The following ATP10B variants were observed in gnomAD, a reference collection of about 807,000 sequenced individuals.
The protein encoded by ATP10B is ATPase phospholipid transporting 10B (putative).
Under a neutral mutation model 141.2 loss-of-function variants are expected in ATP10B, and 122 were observed. The observed-to-expected ratio is 0.86, with a 90% CI of 0.75 to 1.00. ATP10B has a LOEUF of 1.00. Ranked by LOEUF, ATP10B falls within the 50% of genes least tolerant of loss-of-function variation. ATP10B has a pLI of 0.00. For synonymous variants in ATP10B, 685 were observed against 692.0 expected, an observed-to-expected ratio of 0.99 and a Z score of 0.16; for missense variants, 1,876 against 1,825.3, an observed-to-expected ratio of 1.03 and a Z score of -0.51.
chr5:160,746,541 G>A (rs1310705258), intron 2 of ATP10B, among the ~76,000 whole-genome samples: 1 of 151,958 alleles, frequency 6.6e-6, no homozygotes, highest in African/African-American at 2.4e-5. Flanking sequence ...ACAGGCACCT[G>A]CCACCACGCC....
intron 16 of ATP10B, among the ~76,000 whole-genome samples, chr5:160,616,855 A>G (rs1758049966): frequency 6.6e-6 from 1 of 152,238 alleles, no homozygotes; most frequent in African/African-American, 2.4e-5. Flanking sequence ...AGGGTGTAAT[A>G]CTGATTCAGA....
chr5:160,651,754 ACT>A (rs1487315257), intron 7 of ATP10B, among the ~76,000 whole-genome samples: 1 of 151,926 alleles, frequency 6.6e-6, no homozygotes, highest in Non-Finnish European at 1.5e-5. Context: ...ACATAAATAA[ACT>A]CTCTACTCAC....
intron 7 of ATP10B, among the ~76,000 whole-genome samples, chr5:160,652,250 C>T (rs1290481916): frequency 1.3e-5 from 2 of 152,020 alleles, no homozygotes; most frequent in Non-Finnish European, 2.9e-5. Flanking sequence ...GTCCCCTGGG[C>T]TCTCTTCTTC....
chr5:160,908,430 CTA>C, the ATP10B span, among the ~76,000 whole-genome samples: 1 of 152,174 alleles, frequency 6.6e-6, no homozygotes, highest in East Asian at 1.9e-4. Flanking sequence ...AAGTGAAAGA[CTA>C]TGGATTCAAA....
chr5:160,726,975 A>G (rs951221947), intron 2 of ATP10B, among the ~76,000 whole-genome samples: 10 of 152,086 alleles, frequency 6.6e-5, no homozygotes, highest in Non-Finnish European at 1.5e-4. Flanking sequence ...AATTGTCCTC[A>G]CCTTTCTGGA....
At chr5:160,879,557 C>T in the ATP10B span, among the ~76,000 whole-genome samples, 1 of 148,916 alleles carries the variant, frequency 6.7e-6, no homozygotes, top group Non-Finnish European at 1.5e-5. Context: ...AAAAAAACCA[C>T]GGCCAGGCGC....
chr5:160,901,381 G>A, the ATP10B span, among the ~76,000 whole-genome samples: 6 of 152,070 alleles, frequency 3.9e-5, no homozygotes, highest in African/African-American at 7.2e-5. Flanking sequence ...TGTCTGCTTT[G>A]TTTCTCAGTG....
At chr5:160,657,595 T>C (rs925608531) in intron 7 of ATP10B, among the ~76,000 whole-genome samples, 6 of 152,184 alleles carry the variant, frequency 3.9e-5, no homozygotes, top group African/African-American at 1.4e-4. Context: ...TGTTTCCCAG[T>C]TGGGCTGACT....
the ATP10B span, among the ~76,000 whole-genome samples, chr5:160,883,743 G>C: frequency 6.6e-6 from 1 of 151,786 alleles, no homozygotes; most frequent in Non-Finnish European, 1.5e-5. Flanking sequence ...CAAAACACAC[G>C]CAAAAAGAAA....
intron 2 of ATP10B, among the ~76,000 whole-genome samples, chr5:160,759,755 T>C (rs1768892805): frequency 6.6e-6 from 1 of 152,232 alleles, no homozygotes; most frequent in South Asian, 2.1e-4. Flanking sequence ...ATTCCTTACA[T>C]TCCAACCTCA....
chr5:160,838,166 T>G (rs910777558), intron 1 of ATP10B, among the ~76,000 whole-genome samples: 2 of 152,176 alleles, frequency 1.3e-5, no homozygotes, highest in African/African-American at 2.4e-5. Flanking sequence ...GTTGGAAAAC[T>G]ACATGGGACA....
At chr5:160,823,828 C>A (rs150550540) in intron 1 of ATP10B, among the ~76,000 whole-genome samples, 1 of 151,846 alleles carries the variant, frequency 6.6e-6, no homozygotes. Context: ...AGTGAGACTC[C>A]GTCTCCAAAA....
chr5:160,816,060 T>G (rs547009213), intron 1 of ATP10B, among the ~76,000 whole-genome samples: 2,763 of 151,690 alleles, frequency 0.018, 88 homozygotes, highest in African/African-American at 0.062. Context: ...AGAGAAAGCA[T>G]GAAAGATCTA....
intron 8 of ATP10B, among the ~76,000 whole-genome samples, chr5:160,647,269 G>T (rs180825434): frequency 6.6e-6 from 1 of 152,322 alleles, no homozygotes; most frequent in East Asian, 1.9e-4. Flanking sequence ...CAGTGGGTCT[G>T]CTCAGGAAGA....
chr5:160,875,357 C>T, the ATP10B span, among the ~76,000 whole-genome samples: 1 of 90,410 alleles, frequency 1.1e-5, no homozygotes. Flanking sequence ...CACCACCAGG[C>T]CTGCTCTAAA....
intron 11 of ATP10B, among the ~76,000 whole-genome samples, 188 bp from the exon 12 acceptor site, chr5:160,634,794 A>G (rs139544969): frequency 1.3e-3 from 195 of 152,326 alleles, no homozygotes; most frequent in Non-Finnish European, 2.0e-3. Context: ...AAAAACAGGT[A>G]TGTCTTCTTT....
intron 1 of ATP10B, among the ~76,000 whole-genome samples, chr5:160,818,642 T>C (rs920024883): frequency 2.7e-4 from 41 of 152,230 alleles, no homozygotes; most frequent in African/African-American, 9.9e-4. Flanking sequence ...AGCCATCCCA[T>C]TACTGGGTAT....
rs938646254 is a variant in ATP10B at position 160,608,634 on chromosome 5, A to G, written c.2839-1548T>C. On this transcript the variant is annotated intron_variant, in intron 18 of 25. Transcript: ENST00000327245. ...AATGATCTCCATTCTAGCTGGTTTA[A>G]GATGGTATCTCATTGTGGTTTTGAT... 7.2e-5 allele frequency among the ~76,000 whole-genome samples: 11 copies of G among 152,148 alleles called. 1 individual carries two copies. Among genetic ancestry groups the G allele is most frequent in the Non-Finnish European group, 1.5e-4 (10 of 68,026 alleles).
chr5:160,733,694 T>C (rs201317682), intron 2 of ATP10B, among the ~76,000 whole-genome samples: 227 of 3,292 alleles, frequency 0.069, 1 homozygote, highest in African/African-American at 0.26. Flanking sequence ...CACACACACA[T>C]ATATATATAT....
Sources: allele counts gnomAD v4.1 joint callset (sites outside exome capture counted in the v4.1 genomes callset), GRCh38; gene constraint gnomAD v4.1.1; transcripts MANE v1.5; gene names NCBI Gene and HGNC (gene_info 2026-07-23, HGNC 2026-07-21).